The following OSBPL9 variants were observed in gnomAD, a reference collection of about 807,000 sequenced individuals.
OSBPL9 encodes oxysterol-binding protein-related protein 9.
Under a neutral mutation model 106.6 loss-of-function variants are expected in OSBPL9, and 40 were observed. The observed-to-expected ratio is 0.38, with a 90% CI of 0.29 to 0.49. The LOEUF is 0.49. OSBPL9 is among the 20% of genes least tolerant of loss of function. The probability of loss-of-function intolerance (pLI) is 0.97; values close to 1 mark genes in which losing one functional copy is unlikely to be tolerated. For synonymous variants in OSBPL9, 269 were observed against 295.4 expected, an observed-to-expected ratio of 0.91 and a Z score of 0.92; for missense variants, 609 against 887.2, an observed-to-expected ratio of 0.69 and a Z score of 3.98.
chr1:51,691,511 C>T (rs1016292198), intron 3 of OSBPL9, among the ~76,000 whole-genome samples: 3 of 151,858 alleles, frequency 2.0e-5, no homozygotes, highest in Non-Finnish European at 2.9e-5. Flanking sequence ...TGGTCTCGAA[C>T]GCCTGACCTT....
In OSBPL9 at chr1:51,730,509, G is replaced by T. The variant is rs376128134; in HGVS notation, c.319-15027G>T. 4.7e-4 allele frequency among the ~76,000 whole-genome samples: 71 copies of T among 152,258 alleles called. 3 individuals carry two copies. In the South Asian group the frequency reaches 0.012, roughly 25 times the overall value. ...AGTAATTACGGATGCTATTGTTTTTGAGTATGTGTGTCGGGAAGGAGGTGA... is the reference window on the plus strand; with the variant it reads ...AGTAATTACGGATGCTATTGTTTTTTAGTATGTGTGTCGGGAAGGAGGTGA... On this transcript the variant is annotated intron_variant, in intron 4 of 23. Coordinates refer to ENST00000428468, the MANE Select transcript of OSBPL9 (RefSeq NM_024586.6).
intron 4 of OSBPL9, among the ~76,000 whole-genome samples, chr1:51,723,750 A>G (rs540944402): frequency 6.6e-6 from 1 of 152,306 alleles, no homozygotes; most frequent in East Asian, 1.9e-4. Flanking sequence ...CTATTCATTC[A>G]CCTACTGAAG....
At chr1:51,627,540 CT>C (rs1644840490) in intron 1 of OSBPL9, among the ~76,000 whole-genome samples, 1 of 152,146 alleles carries the variant, frequency 6.6e-6, no homozygotes, top group African/African-American at 2.4e-5. Context: ...ATTACTGTAG[CT>C]TTGTAGTAAG....
At chr1:51,659,870 G>A (rs1286554180) in intron 2 of OSBPL9, among the ~76,000 whole-genome samples, 10 of 152,056 alleles carry the variant, frequency 6.6e-5, no homozygotes, top group African/African-American at 9.7e-5. Context: ...TTTGGGAAAG[G>A]GGAGAGATAT....
At chr1:51,595,867 C>T (rs1645296711) in intron 1 of OSBPL9, among the ~76,000 whole-genome samples, 1 of 152,100 alleles carries the variant, frequency 6.6e-6, no homozygotes, top group Non-Finnish European at 1.5e-5. Flanking sequence ...AGTAGCTTCC[C>T]AAGGTCACAC....
chr1:51,697,996 G>T (rs756402975), intron 3 of OSBPL9, among the ~76,000 whole-genome samples: 6 of 151,928 alleles, frequency 3.9e-5, no homozygotes, highest in Non-Finnish European at 8.8e-5. Flanking sequence ...GTATTTTCAT[G>T]TATGTCAGGC....
chr1:51,613,786 G>T (rs76550200), upstream of OSBPL9, among the ~76,000 whole-genome samples: 5,487 of 150,368 alleles, frequency 0.036, 265 homozygotes, highest in East Asian at 0.11. Flanking sequence ...GCCTTGCCTA[G>T]GCTGGAGTGC....
At chr1:51,603,826 G>A (rs183440501) in intron 2 of OSBPL9, among the ~76,000 whole-genome samples, 49 of 152,244 alleles carry the variant, frequency 3.2e-4, no homozygotes, top group East Asian at 1.5e-3. Flanking sequence ...CAGTAAACCC[G>A]GGTAGGAGTT....
At chr1:51,738,667 T>C (rs752734833) in intron 4 of OSBPL9, among the ~76,000 whole-genome samples, 11 of 152,054 alleles carry the variant, frequency 7.2e-5, no homozygotes, top group Non-Finnish European at 1.5e-4. Flanking sequence ...TTCTCTATTA[T>C]CTTCTTGGGA....
chr1:51,645,711 T>G (rs1646111882), intron 1 of OSBPL9, among the ~76,000 whole-genome samples: 1 of 152,188 alleles, frequency 6.6e-6, no homozygotes, highest in Non-Finnish European at 1.5e-5. Context: ...GATTCCAAGG[T>G]CACAAAGATT....
chr1:51,735,205 A>G (rs569070238), intron 4 of OSBPL9, among the ~76,000 whole-genome samples: 8 of 152,268 alleles, frequency 5.3e-5, no homozygotes, highest in East Asian at 1.9e-4. Flanking sequence ...CTTTGAGGCA[A>G]TTCTGGCAGT....
the OSBPL9 span, among the ~76,000 whole-genome samples, chr1:51,551,364 A>G: frequency 6.6e-6 from 1 of 151,674 alleles, no homozygotes; most frequent in Non-Finnish European, 1.5e-5. Context: ...CAATTCCCCA[A>G]ATGCCATCTT....
At chr1:51,676,631 C>G (rs966290708) in intron 3 of OSBPL9, among the ~76,000 whole-genome samples, 1 of 147,450 alleles carries the variant, frequency 6.8e-6, no homozygotes, top group African/African-American at 2.5e-5. Context: ...TGCACTCCAG[C>G]CTGGCCGACA....
chr1:51,623,447 A>G (rs1181743526), intron 1 of OSBPL9, among the ~76,000 whole-genome samples: 1 of 152,220 alleles, frequency 6.6e-6, no homozygotes, highest in Non-Finnish European at 1.5e-5. Context: ...ATAGCTAAAT[A>G]TGATTTGTTT....
chr1:51,706,238 C>G (rs1057413556), intron 3 of OSBPL9, among the ~76,000 whole-genome samples: 2 of 152,140 alleles, frequency 1.3e-5, no homozygotes, highest in African/African-American at 4.8e-5. Context: ...TGTTTTTGAC[C>G]TACCAAAAGG....
chr1:51,781,078 CTT>C, intron 15 of OSBPL9, 84 bp from the exon 16 acceptor site: 1 of 1,336,352 alleles, frequency 7.5e-7, no homozygotes, highest in Non-Finnish European at 1.0e-6. Context: ...CTCAGCCTGA[CTT>C]AGGTGGACCA....
At position 51,579,587 on chromosome 1, in the gene OSBPL9, C is replaced by G. The variant is rs537442603; in HGVS notation, c.-423+2331C>G. Reference sequence around the variant, plus strand: ...TCTACATTTTCAATGAGAAATTTTTCTAGACATAATAAAAGACCCTGACCT... The same window carrying G: ...TCTACATTTTCAATGAGAAATTTTTGTAGACATAATAAAAGACCCTGACCT... On this transcript the variant is annotated intron_variant, in intron 1 of 25. Coordinates refer to the OSBPL9 transcript ENST00000371714. 1.0e-3 allele frequency among the ~76,000 whole-genome samples: 157 copies of G among 152,144 alleles called. 1 individual carries two copies. The highest frequency in any genetic ancestry group is 3.7e-3 in the African/African-American group (152 of 41,504).
In OSBPL9 at chr1:51,763,009, T is replaced by C. The variant is rs187258213; in HGVS notation, c.778+1038T>C. ...TTTTCTTTTTGTTTGTTTAAACGTT[T>C]TGTTTTTTGTTTTTGAGATGGAGTC... On this transcript the variant is annotated intron_variant, in intron 11 of 23. Transcript: ENST00000428468. Among the ~76,000 whole-genome samples the C allele has an allele frequency of 1.1e-4, 17 of 152,294 alleles. No homozygotes were observed. In the East Asian group the frequency reaches 2.5e-3, roughly 22 times the overall value.
upstream of OSBPL9, among the ~76,000 whole-genome samples, chr1:51,576,522 T>G (rs7518213): frequency 2.0e-5 from 3 of 148,928 alleles, no homozygotes; most frequent in East Asian, 3.9e-4. Flanking sequence ...AGGGTTTTTT[T>G]GGGTTTTTTT....
Sources: gnomAD v4.1 joint callset for allele counts (sites outside exome capture counted in the v4.1 genomes callset) on GRCh38, gnomAD v4.1.1 for gene constraint, MANE v1.5 for transcripts, NCBI Gene and HGNC (gene_info 2026-07-23, HGNC 2026-07-21) for gene names.